The following DNAJC13 variants were observed in gnomAD, a reference collection of about 807,000 sequenced individuals.
DNAJC13 encodes the protein DnaJ heat shock protein family (Hsp40) member C13.
Under a neutral mutation model 290.5 loss-of-function variants are expected in DNAJC13, and 75 were observed. The observed-to-expected ratio is 0.26, with a 90% CI of 0.21 to 0.31. The LOEUF (loss-of-function observed/expected upper bound fraction) is 0.31, where lower values mean the gene tolerates loss of function less well. DNAJC13 is among the 10% of genes least tolerant of loss of function. DNAJC13 has a pLI of 1.00. For synonymous variants in DNAJC13, 862 were observed against 892.0 expected, an observed-to-expected ratio of 0.97 and a Z score of 0.60; for missense variants, 2,260 against 2,674.5, an observed-to-expected ratio of 0.85 and a Z score of 3.42.
Position 132,496,741 on chromosome 3 carries a change from T to G in DNAJC13, c.4156+78T>G. On this transcript the variant is annotated intron_variant, in intron 36 of 55. Transcript: ENST00000260818. ...GCTAACCCTATACCATATTACCTGTTTCTACAGCATATTTAATAGATTTAG... is the reference window on the plus strand; with the variant it reads ...GCTAACCCTATACCATATTACCTGTGTCTACAGCATATTTAATAGATTTAG... The G allele has an allele frequency of 2.6e-6, 3 of 1,138,752 alleles. No individual in the cohort carries two copies. The African/African-American group carries it at 4.8e-5, about 18-fold the overall frequency. The allele number at this position is 1,138,752 out of a possible 1,614,324, so 70.5% of individuals were successfully genotyped here.
At chr3:132,419,327 A>G (rs1267038372) in intron 1 of DNAJC13, among the ~76,000 whole-genome samples, 1 of 152,222 alleles carries the variant, frequency 6.6e-6, no homozygotes, top group Non-Finnish European at 1.5e-5. Context: ...GTAGTAATAA[A>G]TAGTCTAAAA....
At chr3:132,532,672 T>C (rs1480786374) in intron 55 of DNAJC13, among the ~76,000 whole-genome samples, 1 of 151,970 alleles carries the variant, frequency 6.6e-6, no homozygotes, top group Non-Finnish European at 1.5e-5. Flanking sequence ...CACGTTTTCA[T>C]GGCATTACAT....
chr3:132,466,351 A>C lies in DNAJC13; in HGVS notation c.2021A>C (p.Asp674Ala), dbSNP rs199541720. Residue 674 changes from aspartate (D) to alanine (A), a missense_variant, in exon 19 of 56, where the codon GAT (aspartate) becomes GCT (alanine). Physicochemically the swap from Asp to Ala is moderately radical, Grantham distance 126. Around this residue, in one of 3 missense-constraint regions of DNAJC13, gnomAD observed 762 missense variants for 964.1 expected, o/e 0.79. Transcript: ENST00000260818. ...AGCTCAGATCTCGTACCTGAGAAGG[A>C]TGCTGATCGGATGCATGTTAGAGAC... ...LESSDLVPEK[D>A]ADRMHVRDNV... is the part of the protein sequence containing the mutation. 4.0e-4 allele frequency: 649 copies of C among 1,603,364 alleles called. No individual in the cohort carries two copies. The highest frequency in any genetic ancestry group is 4.4e-4 in the Non-Finnish European group (519 of 1,177,196).
Position 132,538,663 on chromosome 3 carries a change from C to CT in DNAJC13, c.*385dup, listed in dbSNP as rs1936672811. ...AGTCAACAAAAATTGGGCTAAGTCA[C>CT]TTTTCCCCAGGAAAGAATATTTCCC... On this transcript the variant is annotated 3_prime_UTR_variant, in exon 56 of 56. Transcript: ENST00000260818. 6.3e-6 allele frequency: 1 copy of CT among 159,180 alleles called. No individual in the cohort carries two copies. Among genetic ancestry groups the CT allele is most frequent in the African/African-American group, 2.4e-5 (1 of 41,488 alleles). The allele number at this position is 159,180 out of a possible 1,614,324, so 9.9% of individuals were successfully genotyped here. A position where few individuals can be genotyped will look rare whatever the true frequency, so the allele number is the denominator to read the frequency against.
intron 54 of DNAJC13, 109 bp downstream of exon 54, chr3:132,528,441 T>C (rs1307076163): frequency 7.4e-7 from 1 of 1,357,004 alleles, no homozygotes; most frequent in Non-Finnish European, 1.0e-6. Context: ...TTCTGTTGGT[T>C]GTAACTGGAG....
intron 3 of DNAJC13, among the ~76,000 whole-genome samples, 196 bp from the exon 4 acceptor site, chr3:132,447,125 G>A (rs1467230821): frequency 6.6e-6 from 1 of 151,814 alleles, no homozygotes; most frequent in Admixed American, 6.6e-5. Context: ...CATTAAAATA[G>A]GAATACATAT....
chr3:132,465,347 A>G (rs1178675819), intron 17 of DNAJC13, among the ~76,000 whole-genome samples: 2 of 151,072 alleles, frequency 1.3e-5, no homozygotes, highest in Non-Finnish European at 2.9e-5. Context: ...TAGGGTTTCT[A>G]CTTATGAGGA....
At chr3:132,468,690 A>G (rs1285328300) in intron 20 of DNAJC13, among the ~76,000 whole-genome samples, 1 of 152,108 alleles carries the variant, frequency 6.6e-6, no homozygotes, top group Non-Finnish European at 1.5e-5. Flanking sequence ...GGTTTTTTTG[A>G]TATACAAGCA....
At position 132,492,674 on chromosome 3, in the gene DNAJC13, C is replaced by A. The variant is rs1008009781; in HGVS notation, c.3825+59C>A. On this transcript the variant is annotated intron_variant, in intron 33 of 55. Coordinates refer to ENST00000260818, the MANE Select transcript of DNAJC13 (RefSeq NM_015268.4). Reference sequence around the variant, plus strand: ...CCATAAAAATAGCCTCTAAACACTTCTGGGTATTTTGTCCTCCTGCAGTAA... The same window carrying A: ...CCATAAAAATAGCCTCTAAACACTTATGGGTATTTTGTCCTCCTGCAGTAA... 6.0e-6 allele frequency: 9 copies of A among 1,490,290 alleles called. No individual in the cohort carries two copies. In the African/African-American group the frequency reaches 1.3e-4, roughly 21 times the overall value. The allele number at this position is 1,490,290 out of a possible 1,614,324, so 92.3% of individuals were successfully genotyped here.
chr3:132,444,411 TTA>T (rs1427626779), intron 2 of DNAJC13, among the ~76,000 whole-genome samples: 1 of 152,222 alleles, frequency 6.6e-6, no homozygotes, highest in Non-Finnish European at 1.5e-5. Context: ...GATGACAGAA[TTA>T]TATGAGAAAG....
chr3:132,522,721 G>A, intron 48 of DNAJC13, 107 bp from the exon 49 acceptor site: 1 of 948,332 alleles, frequency 1.1e-6, no homozygotes, highest in Admixed American at 2.9e-5. Flanking sequence ...GCCCACATAA[G>A]TCATAACACA....
At chr3:132,427,986 G>A (rs1192486591) in intron 1 of DNAJC13, among the ~76,000 whole-genome samples, 1 of 152,134 alleles carries the variant, frequency 6.6e-6, no homozygotes, top group African/African-American at 2.4e-5. Flanking sequence ...TCATTTTAAT[G>A]GAATGTTAAT....
chr3:132,516,558 G>T, intron 47 of DNAJC13, 62 bp downstream of exon 47: 3 of 1,561,098 alleles, frequency 1.9e-6, no homozygotes, highest in Admixed American at 1.7e-5. Context: ...ATTTTGAGCT[G>T]CATTTTACAG....
chr3:132,482,409 A>T (rs866365790), intron 27 of DNAJC13, 79 bp downstream of exon 27: 2 of 1,116,864 alleles, frequency 1.8e-6, no homozygotes, highest in South Asian at 2.9e-5. Flanking sequence ...AGAGGCGTGG[A>T]ATGTTTTAAA....
chr3:132,505,755 C>T (rs1405998348), intron 42 of DNAJC13, among the ~76,000 whole-genome samples: 1 of 152,018 alleles, frequency 6.6e-6, no homozygotes, highest in Non-Finnish European at 1.5e-5. Context: ...TTCTACCCTG[C>T]CACCTTTTAG....
intron 37 of DNAJC13, 88 bp downstream of exon 37, chr3:132,499,398 C>A: frequency 1.8e-6 from 2 of 1,126,570 alleles, no homozygotes; most frequent in Non-Finnish European, 2.5e-6. Flanking sequence ...AGTACAAATG[C>A]AGATTCTTTA....
Position 132,478,118 on chromosome 3 carries a change from A to G in DNAJC13, c.2687A>G (p.Tyr896Cys), listed in dbSNP as rs1226882201. The G allele has an allele frequency of 3.7e-6, 6 of 1,610,938 alleles. No individual in the cohort carries two copies. Among genetic ancestry groups the G allele is most frequent in the Non-Finnish European group, 5.1e-6 (6 of 1,179,116 alleles). The change falls in exon 24 of 56, where the codon TAT (tyrosine) becomes TGT (cysteine). Residue 896 changes from tyrosine to cysteine, a missense_variant. This residue lies in a region of DNAJC13 where 1,494 missense variants were observed against 1,693.7 expected (regional missense o/e 0.88). Transcript: ENST00000260818. ...ATAGGACCTTTTACAGATACCAGAT[A>G]TATCATTGGAATGTTAGAGAGGGTA... is the stretch of plus-strand genomic sequence containing the variant. ...EEIGPFTDTR[Y>C]IIGMLERCTD...
chr3:132,538,857 A>C lies in DNAJC13; in HGVS notation c.*575A>C, dbSNP rs1936679239. On this transcript the variant is annotated 3_prime_UTR_variant, in exon 56 of 56. Coordinates refer to ENST00000260818, the MANE Select transcript of DNAJC13 (RefSeq NM_015268.4). ...AAATTGAATGAAAAGGAGCTTGTGC[A>C]AAAAAATTTAAAAATGGATGTCAAG... The C allele has an allele frequency of 6.6e-6, 1 of 152,438 alleles. No homozygotes were observed. Among genetic ancestry groups the C allele is most frequent in the Non-Finnish European group, 1.5e-5 (1 of 68,060 alleles). 9.4% of individuals were successfully genotyped at this position (152,438 alleles called of 1,614,324 possible). A position where few individuals can be genotyped will look rare whatever the true frequency, so the allele number is the denominator to read the frequency against.
At chr3:132,466,616 G>A (rs193000959) in intron 19 of DNAJC13, among the ~76,000 whole-genome samples, 1 of 152,194 alleles carries the variant, frequency 6.6e-6, no homozygotes, top group East Asian at 1.9e-4. Context: ...ACAGAGTTGT[G>A]CAGCTATCAC....
Sources: allele counts gnomAD v4.1 joint callset (sites outside exome capture counted in the v4.1 genomes callset), GRCh38; gene constraint gnomAD v4.1.1; regional missense constraint gnomAD v4.1.1; transcripts MANE v1.5; gene names NCBI Gene and HGNC (gene_info 2026-07-23, HGNC 2026-07-21).